Variants in DCHS2 observed in about 807,000 individuals in gnomAD.
DCHS2 encodes dachsous cadherin-related 2.
DCHS2 carries 142 observed loss-of-function variants against 182.4 expected under a neutral mutation model. The ratio of observed to expected loss-of-function variants is 0.78; its 90% CI spans 0.68 to 0.89. The LOEUF (loss-of-function observed/expected upper bound fraction) is 0.89, where lower values mean the gene tolerates loss of function less well. DCHS2 is among the 40% of genes least tolerant of loss of function. The pLI is 0.00. For missense variants in DCHS2, 4,319 were observed against 4,198.6 expected, an observed-to-expected ratio of 1.03 and a Z score of -0.79; for synonymous variants, 1,740 against 1,663.3, an observed-to-expected ratio of 1.05 and a Z score of -1.12.
intron 1 of DCHS2, among the ~76,000 whole-genome samples, chr4:154,433,380 A>AC (rs1733638124): frequency 1.4e-5 from 1 of 71,418 alleles, no homozygotes; most frequent in Admixed American, 1.6e-4. Flanking sequence ...ACAAATAACT[A>AC]GTTTTTTTTT....
intron 1 of DCHS2, among the ~76,000 whole-genome samples, chr4:154,427,338 A>G (rs7685089): frequency 0.8 from 121,907 of 152,212 alleles, 52,450 homozygotes; most frequent in Non-Finnish European, 0.95. Flanking sequence ...AGCCACTCAC[A>G]GGTGAAATGT....
chr4:154,275,372 A>G (rs1733807379), intron 13 of DCHS2, among the ~76,000 whole-genome samples: 1 of 152,138 alleles, frequency 6.6e-6, no homozygotes, highest in South Asian at 2.1e-4. Context: ...GGATTTCCAA[A>G]CGGTTATTCT....
chr4:154,489,645 T>C lies in DCHS2; in HGVS notation c.1711A>G (p.Ser571Gly). 1 of 1,551,628 alleles carries C rather than the reference T, an allele frequency of 6.4e-7. No individual in the cohort carries two copies. Among genetic ancestry groups the C allele is most frequent in the Non-Finnish European group, 8.7e-7 (1 of 1,146,950 alleles). The stretch of plus-strand genomic sequence containing the variant: ...GTGTAGCGCAGCCAGGCGTGATCAC[T>C]GCCTGCCTCGTCGGCATCGGAGGCG... ...VSASDADEAG[S>G]DHAWLRYTVV... Residue 571 changes from serine to glycine, a missense_variant, in exon 1 of 20, where the codon AGT becomes GGT. Physicochemically the swap from Ser to Gly is moderately conservative, Grantham distance 56. Transcript: ENST00000357232.
rs1285502502 is a variant in DCHS2 at position 154,490,952 on chromosome 4, C to G, written c.404G>C (p.Arg135Pro). The G allele has an allele frequency of 1.9e-6, 3 of 1,550,308 alleles. No individual in the cohort carries two copies. The highest frequency in any genetic ancestry group is 1.2e-5 in the South Asian group (1 of 83,994). The change falls in exon 1 of 20, where the codon CGG becomes CCG. Residue 135 changes from arginine to proline, a missense_variant. Transcript: ENST00000357232. Reference sequence around the variant, plus strand: ...GGCGACGAAGCTGTAGTGGTCCCGCCGCTCGCGGTCCAGGCGCCGCGCAGT... The same window carrying G: ...GGCGACGAAGCTGTAGTGGTCCCGCGGCTCGCGGTCCAGGCGCCGCGCAGT... Reference protein sequence around the residue: ...IRTARRLDRERRDHYSFVAAT... With the variant: ...IRTARRLDREPRDHYSFVAAT...
chr4:154,258,286 G>A (rs1210336095), intron 15 of DCHS2, among the ~76,000 whole-genome samples: 1 of 151,436 alleles, frequency 6.6e-6, no homozygotes, highest in Non-Finnish European at 1.5e-5. Flanking sequence ...AAACTCCAAG[G>A]CAGCTGAGAC....
At chr4:154,237,271 T>G (rs1167291630) in intron 19 of DCHS2, 112 bp from the exon 20 acceptor site, 11 of 1,364,582 alleles carry the variant, frequency 8.1e-6, no homozygotes, top group African/African-American at 1.5e-5. Flanking sequence ...CTTTGTTAGA[T>G]CTGTTAAGTC....
intron 3 of DCHS2, chr4:154,357,176 A>T: frequency 7.5e-7 from 1 of 1,340,292 alleles, no homozygotes; most frequent in Middle Eastern, 1.8e-4. Context: ...CTTTTTGGTG[A>T]ATGCTTCTGA....
At chr4:154,289,725 G>A (rs1005687127) in intron 13 of DCHS2, among the ~76,000 whole-genome samples, 1 of 151,988 alleles carries the variant, frequency 6.6e-6, no homozygotes, top group Non-Finnish European at 1.5e-5. Context: ...AACACATTAA[G>A]AAGATCATTC....
intron 1 of DCHS2, among the ~76,000 whole-genome samples, chr4:154,469,546 T>C (rs1363171471): frequency 1.3e-5 from 2 of 152,180 alleles, no homozygotes; most frequent in Non-Finnish European, 2.9e-5. Context: ...TTTCAAATCA[T>C]TCTCTTGCTT....
At chr4:154,258,608 C>G (rs1001144833) in intron 15 of DCHS2, among the ~76,000 whole-genome samples, 1 of 151,986 alleles carries the variant, frequency 6.6e-6, no homozygotes, top group African/African-American at 2.4e-5. Flanking sequence ...AACTCCTGAC[C>G]TCAGGTGATC....
At chr4:154,380,337 G>A (rs1343554380) in intron 1 of DCHS2, among the ~76,000 whole-genome samples, 1 of 152,032 alleles carries the variant, frequency 6.6e-6, no homozygotes, top group Non-Finnish European at 1.5e-5. Context: ...CATCAGTTGG[G>A]CTGAAGCAGG....
chr4:154,391,684 A>G (rs556933000), intron 1 of DCHS2, among the ~76,000 whole-genome samples: 8 of 152,280 alleles, frequency 5.3e-5, no homozygotes, highest in Non-Finnish European at 1.0e-4. Flanking sequence ...AATCCAAAGT[A>G]AAAGGTGACT....
intron 1 of DCHS2, among the ~76,000 whole-genome samples, chr4:154,397,670 A>C (rs1229924523): frequency 6.6e-6 from 1 of 152,104 alleles, no homozygotes; most frequent in African/African-American, 2.4e-5. Flanking sequence ...AGTTTTACCC[A>C]TTCCATAGTT....
chr4:154,477,601 A>G (rs1735740268), intron 1 of DCHS2, among the ~76,000 whole-genome samples: 1 of 152,228 alleles, frequency 6.6e-6, no homozygotes, highest in Admixed American at 6.5e-5. Context: ...TTTGTGTTAT[A>G]GATTATTTGG....
chr4:154,431,057 G>A (rs1211421705), intron 1 of DCHS2, among the ~76,000 whole-genome samples: 1 of 152,066 alleles, frequency 6.6e-6, no homozygotes, highest in East Asian at 1.9e-4. Flanking sequence ...CTGTCTACAT[G>A]TTTATGTGTA....
At chr4:154,259,402 T>G (rs931241497) in intron 15 of DCHS2, 143 bp downstream of exon 15, 2 of 1,412,670 alleles carry the variant, frequency 1.4e-6, no homozygotes, top group Non-Finnish European at 1.8e-6. Context: ...ATCTATAAAA[T>G]GTACATGGCC....
chr4:154,420,246 CAGATAGATAGAT>C (rs35709774), intron 1 of DCHS2, among the ~76,000 whole-genome samples: 317 of 144,832 alleles, frequency 2.2e-3, no homozygotes, highest in Middle Eastern at 6.8e-3. Flanking sequence ...GACAGACAGA[CAGATAGATAGAT>C]AGATAGATAG....
intron 13 of DCHS2, chr4:154,284,462 T>C (rs1220934910): frequency 2.6e-5 from 4 of 152,222 alleles, no homozygotes; most frequent in African/African-American, 9.6e-5. Context: ...GTACCTGGTT[T>C]TTACTTCATA....
intron 3 of DCHS2, among the ~76,000 whole-genome samples, chr4:154,348,976 T>A (rs1729482100): frequency 6.6e-6 from 1 of 152,038 alleles, no homozygotes; most frequent in African/African-American, 2.4e-5. Flanking sequence ...CTTTTTTGGA[T>A]TCATTTGCTC....
Sources: allele counts gnomAD v4.1 joint callset (sites outside exome capture counted in the v4.1 genomes callset), GRCh38; gene constraint gnomAD v4.1.1; transcripts MANE v1.5; gene names NCBI Gene and HGNC (gene_info 2026-07-23, HGNC 2026-07-21).